Variants in CEP112 observed in about 807,000 individuals in gnomAD.
CEP112 encodes the protein centrosomal protein 112, also known as centrosomal protein of 112 kDa.
A neutral mutation model predicts 153.0 loss-of-function variants in CEP112; 127 were observed. That is an observed-to-expected ratio of 0.83 (90% CI 0.72 to 0.96). The LOEUF (loss-of-function observed/expected upper bound fraction) is 0.96. Ranked by LOEUF, CEP112 falls within the 40% of genes least tolerant of loss-of-function variation. The pLI, the probability that CEP112 is intolerant of heterozygous loss-of-function variation, is 0.00. For missense variants in CEP112, 1,089 were observed against 1,101.2 expected (o/e 0.99, Z 0.16); for synonymous variants, 358 against 374.4 (o/e 0.96, Z 0.51).
chr17:65,655,837 T>C (rs1221902719), intron 24 of CEP112, among the ~76,000 whole-genome samples: 1 of 152,176 alleles, frequency 6.6e-6, no homozygotes, highest in Non-Finnish European at 1.5e-5. Flanking sequence ...ATTTTGCATA[T>C]AAGCAATACC....
At chr17:65,956,008 A>G (rs7214102) in intron 18 of CEP112, among the ~76,000 whole-genome samples, 5,844 of 152,302 alleles carry the variant, frequency 0.038, 163 homozygotes, top group South Asian at 0.11. Context: ...GACTTAACAG[A>G]TATTTACAGA....
intron 22 of CEP112, among the ~76,000 whole-genome samples, chr17:65,746,807 C>T (rs1476895740): frequency 6.6e-6 from 1 of 151,908 alleles, no homozygotes; most frequent in Non-Finnish European, 1.5e-5. Context: ...TAATCAAAAC[C>T]CTCCAGTTTT....
intron 12 of CEP112, among the ~76,000 whole-genome samples, chr17:66,050,802 G>A (rs895651750): frequency 6.6e-6 from 1 of 152,002 alleles, no homozygotes; most frequent in Non-Finnish European, 1.5e-5. Context: ...CTGATTTAGG[G>A]TTATGCTTTC....
At chr17:65,690,020 A>G (rs2048017937) in intron 23 of CEP112, among the ~76,000 whole-genome samples, 1 of 151,814 alleles carries the variant, frequency 6.6e-6, no homozygotes, top group South Asian at 2.1e-4. Context: ...CAAATTCACA[A>G]AATTCATTTC....
intron 21 of CEP112, among the ~76,000 whole-genome samples, chr17:65,841,290 T>C (rs891490783): frequency 6.6e-6 from 1 of 152,052 alleles, no homozygotes; most frequent in African/African-American, 2.4e-5. Flanking sequence ...AAATGTGCGA[T>C]ATATACACAA....
rs148033949 is a variant in CEP112, at chr17:66,152,256, T to C, written c.471-19493A>G. On this transcript the variant is annotated intron_variant, in intron 4 of 26. Coordinates refer to ENST00000535342, the MANE Select transcript of CEP112 (RefSeq NM_001199165.4). ...GGCTCAAGAGGAAGTAAGAAATCTG[T>C]TATCGGAAATGAGAAGAAGGGGGAT... is the stretch of plus-strand genomic sequence containing the variant. Among the ~76,000 whole-genome samples the C allele has an allele frequency of 1.4e-3, 207 of 152,274 alleles. 1 individual carries two copies. Among genetic ancestry groups the C allele is most frequent in the African/African-American group, 4.9e-3 (204 of 41,564 alleles).
intron 18 of CEP112, among the ~76,000 whole-genome samples, chr17:65,941,950 G>A (rs1401868383): frequency 6.6e-6 from 1 of 152,018 alleles, no homozygotes; most frequent in African/African-American, 2.4e-5. Flanking sequence ...ACCACACCTG[G>A]CTTGAAGTGT....
At chr17:65,880,124 T>C (rs1014684198) in intron 20 of CEP112, among the ~76,000 whole-genome samples, 2 of 152,208 alleles carry the variant, frequency 1.3e-5, no homozygotes, top group Non-Finnish European at 2.9e-5. Context: ...ATGTTGTATA[T>C]TGTTACTCAT....
intron 21 of CEP112, among the ~76,000 whole-genome samples, chr17:65,823,321 T>TA (rs1568070782): frequency 6.6e-6 from 1 of 152,156 alleles, no homozygotes; most frequent in Non-Finnish European, 1.5e-5. Flanking sequence ...TGTGGCATTG[T>TA]AAAAGGATAG....
intron 20 of CEP112, among the ~76,000 whole-genome samples, chr17:65,895,444 CAGCATTATTCA>C (rs1305811983): frequency 6.6e-6 from 1 of 152,006 alleles, no homozygotes; most frequent in Non-Finnish European, 1.5e-5. Flanking sequence ...GGATATCAAG[CAGCATTATTCA>C]AGCATTATTA....
At chr17:66,030,900 G>A (rs900982046) in intron 12 of CEP112, among the ~76,000 whole-genome samples, 1 of 152,126 alleles carries the variant, frequency 6.6e-6, no homozygotes, top group East Asian at 1.9e-4. Context: ...TTTTAAAGAT[G>A]CAGTTTAAGC....
At chr17:66,160,838 T>C (rs1203936496) in intron 4 of CEP112, among the ~76,000 whole-genome samples, 2 of 151,940 alleles carry the variant, frequency 1.3e-5, no homozygotes, top group Admixed American at 6.6e-5. Context: ...AATTGACAAA[T>C]GGAATCTAAT....
intron 23 of CEP112, among the ~76,000 whole-genome samples, chr17:65,737,215 G>A (rs942228508): frequency 2.0e-5 from 3 of 152,064 alleles, no homozygotes; most frequent in African/African-American, 7.2e-5. Flanking sequence ...GAACAATATC[G>A]GGTGGTAAGG....
At chr17:65,979,504 C>A (rs1248286357) in intron 17 of CEP112, among the ~76,000 whole-genome samples, 2 of 152,126 alleles carry the variant, frequency 1.3e-5, no homozygotes, top group Non-Finnish European at 2.9e-5. Flanking sequence ...CTTCCCAAAG[C>A]TCTGAGATGA....
At chr17:65,803,147 T>C (rs1367133724) in intron 21 of CEP112, among the ~76,000 whole-genome samples, 1 of 152,262 alleles carries the variant, frequency 6.6e-6, no homozygotes, top group Non-Finnish European at 1.5e-5. Context: ...TCCAGCTATA[T>C]GTATCTTCTC....
rs1242435659 is a variant in CEP112, at chr17:65,902,264, T to C, written c.2051A>G (p.Asp684Gly). 9.9e-6 allele frequency: 16 copies of C among 1,613,950 alleles called. No homozygotes were observed. The South Asian group carries it at 1.5e-4, about 16-fold the overall frequency. Residue 684 changes from aspartate to glycine, a missense_variant, in exon 20 of 27, where the codon GAT (aspartate) becomes GGT (glycine). Physicochemically the swap from Asp to Gly is moderately conservative, Grantham distance 94. Coordinates refer to ENST00000535342, the MANE Select transcript of CEP112 (RefSeq NM_001199165.4). ...HLLQQHNAEK[D>G]SLVRDHEREI... ...CCGTTCATGGTCTCGGACTAGGCTA[T>C]CCTTCTCTGCGTTATGCTGCTGTAA...
chr17:65,868,736 A>G (rs2058559835), intron 20 of CEP112, among the ~76,000 whole-genome samples: 1 of 152,204 alleles, frequency 6.6e-6, no homozygotes, highest in Admixed American at 6.5e-5. Context: ...AACTATATAT[A>G]TGTTCATTAG....
intron 21 of CEP112, among the ~76,000 whole-genome samples, chr17:65,814,774 C>T (rs2056178009): frequency 6.6e-6 from 1 of 152,112 alleles, no homozygotes; most frequent in Non-Finnish European, 1.5e-5. Context: ...TTTCAGTTTT[C>T]ATGGTTTAGT....
intron 21 of CEP112, among the ~76,000 whole-genome samples, chr17:65,832,411 T>C (rs2057118971): frequency 6.6e-6 from 1 of 150,900 alleles, no homozygotes; most frequent in Non-Finnish European, 1.5e-5. Flanking sequence ...CAGGAGTTTG[T>C]TTTTTGGAAA....
Sources: allele counts gnomAD v4.1 joint callset (sites outside exome capture counted in the v4.1 genomes callset), GRCh38; gene constraint gnomAD v4.1.1; transcripts MANE v1.5; gene names NCBI Gene and HGNC (gene_info 2026-07-23, HGNC 2026-07-21).